TCF12: variants seen among roughly 807,000 people sequenced by gnomAD.
TCF12 encodes transcription factor 12.
A neutral mutation model predicts 86.0 loss-of-function variants in TCF12; 45 were observed. The observed-to-expected ratio is 0.52, with a 90% CI of 0.41 to 0.67. The LOEUF (loss-of-function observed/expected upper bound fraction) is 0.67. Ranked by LOEUF, TCF12 falls within the 30% of genes least tolerant of loss-of-function variation. The pLI is 0.00. For missense variants in TCF12, 881 were observed against 859.9 expected (o/e 1.02, Z -0.31); for synonymous variants, 330 against 299.6 (o/e 1.10, Z -1.05).
chr15:56,974,667 T>C (rs1183787111), intron 3 of TCF12, among the ~76,000 whole-genome samples: 1 of 152,086 alleles, frequency 6.6e-6, no homozygotes, highest in Admixed American at 6.5e-5. Flanking sequence ...GATACTAGTT[T>C]GTAAGTTTTT....
intron 12 of TCF12, among the ~76,000 whole-genome samples, chr15:57,236,230 C>G (rs945998598): frequency 6.6e-6 from 1 of 152,160 alleles, no homozygotes; most frequent in African/African-American, 2.4e-5. Context: ...CAGCCGGACA[C>G]CTCCCCAAAT....
At chr15:57,071,663 T>C (rs2069398694) in intron 4 of TCF12, among the ~76,000 whole-genome samples, 1 of 152,206 alleles carries the variant, frequency 6.6e-6, no homozygotes, top group Non-Finnish European at 1.5e-5. Context: ...CCCAAAAAAC[T>C]TCTTAACTCT....
intron 6 of TCF12, among the ~76,000 whole-genome samples, chr15:57,184,377 T>C (rs1320048418): frequency 1.3e-5 from 2 of 152,188 alleles, no homozygotes; most frequent in Non-Finnish European, 2.9e-5. Flanking sequence ...TAAATCACTC[T>C]CTTATATTCC....
chr15:57,188,602 C>T (rs1372707920), intron 6 of TCF12, among the ~76,000 whole-genome samples: 4 of 152,070 alleles, frequency 2.6e-5, no homozygotes, highest in Non-Finnish European at 5.9e-5. Context: ...ACATATAGAC[C>T]AATGGGATAG....
intron 8 of TCF12, among the ~76,000 whole-genome samples, chr15:57,213,280 C>G (rs949450411): frequency 6.6e-6 from 1 of 152,132 alleles, no homozygotes; most frequent in Non-Finnish European, 1.5e-5. Flanking sequence ...TAATAAGAAA[C>G]CATTCTTAAA....
intron 8 of TCF12, chr15:57,219,290 T>C (rs1477751927): frequency 8.2e-7 from 1 of 1,213,112 alleles, no homozygotes; most frequent in African/African-American, 1.5e-5. Context: ...GTCTTATTGG[T>C]ATCCTCCACC....
chr15:57,145,998 G>A (rs1292340101), intron 5 of TCF12, among the ~76,000 whole-genome samples: 1 of 152,152 alleles, frequency 6.6e-6, no homozygotes, highest in Non-Finnish European at 1.5e-5. Context: ...CCTTGCCTCT[G>A]ATCTGAATAT....
At chr15:57,006,404 A>G (rs1045128004) in intron 3 of TCF12, among the ~76,000 whole-genome samples, 8 of 151,834 alleles carry the variant, frequency 5.3e-5, no homozygotes, top group Admixed American at 2.6e-4. Flanking sequence ...TCCTGGGTTC[A>G]ATTGATTCTC....
At chr15:56,986,680 G>A (rs1315182190) in intron 3 of TCF12, among the ~76,000 whole-genome samples, 1 of 152,100 alleles carries the variant, frequency 6.6e-6, no homozygotes, top group African/African-American at 2.4e-5. Context: ...GTATCCTTAT[G>A]TATATCCTTA....
intron 3 of TCF12, among the ~76,000 whole-genome samples, chr15:56,967,118 T>TC (rs1191230036): frequency 2.0e-5 from 3 of 147,592 alleles, no homozygotes; most frequent in South Asian, 2.2e-4. Flanking sequence ...CGAGACTCGG[T>TC]CCCCCCGTGC....
intron 3 of TCF12, among the ~76,000 whole-genome samples, chr15:56,991,523 C>T (rs2063458322): frequency 6.6e-6 from 1 of 152,064 alleles, no homozygotes; most frequent in Non-Finnish European, 1.5e-5. Context: ...AAAGTTTGGA[C>T]CTATTTATAT....
chr15:57,055,189 G>T (rs1236573284), intron 3 of TCF12, among the ~76,000 whole-genome samples: 4 of 152,070 alleles, frequency 2.6e-5, no homozygotes, highest in Non-Finnish European at 4.4e-5. Context: ...TCAAGCCGGG[G>T]TCAGGAGTTC....
intron 3 of TCF12, among the ~76,000 whole-genome samples, chr15:56,958,913 T>G (rs967888231): frequency 5.3e-5 from 8 of 152,302 alleles, no homozygotes; most frequent in South Asian, 4.2e-4. Flanking sequence ...TGGGGATGCC[T>G]GGTTTATACT....
chr15:57,052,758 T>G, intron 3 of TCF12, among the ~76,000 whole-genome samples: 1 of 152,226 alleles, frequency 6.6e-6, no homozygotes, highest in East Asian at 1.9e-4. Flanking sequence ...CTTCTGTGTA[T>G]TCAGCATTGA....
At chr15:57,132,721 A>G (rs1355699030) in intron 5 of TCF12, among the ~76,000 whole-genome samples, 1 of 152,110 alleles carries the variant, frequency 6.6e-6, no homozygotes, top group Non-Finnish European at 1.5e-5. Context: ...AAATTGTGTC[A>G]TCTGTACATG....
chr15:57,030,855 T>A (rs1181394381), intron 3 of TCF12, among the ~76,000 whole-genome samples: 1 of 152,238 alleles, frequency 6.6e-6, no homozygotes, highest in Non-Finnish European at 1.5e-5. Flanking sequence ...TTCACATTTG[T>A]AGAAGTGAGT....
At chr15:57,096,243 A>T (rs570984624) in intron 5 of TCF12, among the ~76,000 whole-genome samples, 13 of 152,300 alleles carry the variant, frequency 8.5e-5, no homozygotes, top group African/African-American at 3.1e-4. Flanking sequence ...TTGGAATGTT[A>T]AAGACTCTGA....
chr15:57,069,127 A>T (rs934859038), intron 4 of TCF12, among the ~76,000 whole-genome samples: 1 of 152,156 alleles, frequency 6.6e-6, no homozygotes, highest in African/African-American at 2.4e-5. Flanking sequence ...TTAAAGTACC[A>T]TTGAGGTTTG....
intron 4 of TCF12, among the ~76,000 whole-genome samples, chr15:57,074,358 A>AT (rs1159875920): frequency 9.3e-5 from 3 of 32,392 alleles, no homozygotes; most frequent in African/African-American, 2.4e-4. Context: ...GCCCATTTTG[A>AT]TTAAAAAAAA....
Sources: allele counts gnomAD v4.1 joint callset (sites outside exome capture counted in the v4.1 genomes callset), GRCh38; gene constraint gnomAD v4.1.1; transcripts MANE v1.5; gene names NCBI Gene and HGNC (gene_info 2026-07-23, HGNC 2026-07-21).